CLEC16A: variants seen among roughly 807,000 people sequenced by gnomAD.
CLEC16A encodes the protein C-type lectin domain containing 16A.
CLEC16A carries 51 observed loss-of-function variants against 109.5 expected under a neutral mutation model. The observed-to-expected ratio is 0.47, with a 90% CI of 0.37 to 0.59. The LOEUF (loss-of-function observed/expected upper bound fraction) is 0.59. Ranked by LOEUF, CLEC16A falls within the 20% of genes least tolerant of loss-of-function variation. CLEC16A has a pLI of 0.00. For synonymous variants in CLEC16A, 673 were observed against 564.2 expected (o/e 1.19, Z -2.73); for missense variants, 1,339 against 1,394.0 (o/e 0.96, Z 0.63).
chr16:10,964,868 T>A (rs991897292), intron 3 of CLEC16A, among the ~76,000 whole-genome samples: 3 of 152,150 alleles, frequency 2.0e-5, no homozygotes, highest in Non-Finnish European at 4.4e-5. Flanking sequence ...CTTTTGTGCG[T>A]GTGTGTGGGT....
At chr16:11,080,952 C>T (rs769917871) in intron 19 of CLEC16A, among the ~76,000 whole-genome samples, 4 of 152,210 alleles carry the variant, frequency 2.6e-5, no homozygotes, top group Non-Finnish European at 5.9e-5. Flanking sequence ...GGGATTAGGT[C>T]GTGGGCATCT....
At chr16:10,971,065 G>C (rs2042763985) in intron 4 of CLEC16A, 60 bp from the exon 5 acceptor site, 4 of 988,064 alleles carry the variant, frequency 4.0e-6, no homozygotes, top group Non-Finnish European at 6.2e-6. Flanking sequence ...AGAGAGTTGG[G>C]GTGGGGCCAG....
chr16:11,173,577 G>A (rs552370086), intron 23 of CLEC16A, among the ~76,000 whole-genome samples: 10 of 152,070 alleles, frequency 6.6e-5, no homozygotes, highest in Non-Finnish European at 1.2e-4. Context: ...GGAGCGCCTC[G>A]AGCATCTGAG....
chr16:10,951,962 C>A (rs1281997890), intron 1 of CLEC16A, among the ~76,000 whole-genome samples: 2 of 152,046 alleles, frequency 1.3e-5, no homozygotes, highest in Non-Finnish European at 2.9e-5. Context: ...AAACAGTTGT[C>A]AATAACCAAA....
intron 1 of CLEC16A, among the ~76,000 whole-genome samples, chr16:10,950,457 G>A (rs2041669009): frequency 6.6e-6 from 1 of 152,082 alleles, no homozygotes. Context: ...CTTTCTCTAG[G>A]GCTAAAGCCC....
chr16:11,120,808 A>G (rs199864914), intron 20 of CLEC16A, 42 bp downstream of exon 20: 6 of 1,343,654 alleles, frequency 4.5e-6, no homozygotes, highest in Admixed American at 2.6e-5. Flanking sequence ...TCAGTTGGCT[A>G]CAAACACACA....
intron 10 of CLEC16A, among the ~76,000 whole-genome samples, chr16:10,991,634 C>G (rs958881508): frequency 6.6e-6 from 1 of 152,092 alleles, no homozygotes; most frequent in African/African-American, 2.4e-5. Flanking sequence ...GGAACCTCTT[C>G]GTCTTTGTGT....
At chr16:11,094,694 C>G (rs971543695) in intron 19 of CLEC16A, among the ~76,000 whole-genome samples, 2 of 152,196 alleles carry the variant, frequency 1.3e-5, no homozygotes, top group African/African-American at 2.4e-5. Context: ...CCCCACTGCC[C>G]GAATATGCCT....
At chr16:10,965,904 C>T (rs2042478717) in intron 3 of CLEC16A, among the ~76,000 whole-genome samples, 2 of 152,168 alleles carry the variant, frequency 1.3e-5, no homozygotes, top group Admixed American at 6.5e-5. Context: ...CTCCAGGGTA[C>T]AGCTGAGAGA....
chr16:10,965,337 A>G (rs972702599), intron 3 of CLEC16A, among the ~76,000 whole-genome samples: 1 of 152,240 alleles, frequency 6.6e-6, no homozygotes, highest in Non-Finnish European at 1.5e-5. Flanking sequence ...TTGTTTTCTA[A>G]TCACAGAAGA....
chr16:10,981,993 A>G (rs1309706597), intron 9 of CLEC16A, among the ~76,000 whole-genome samples: 1 of 152,250 alleles, frequency 6.6e-6, no homozygotes, highest in Admixed American at 6.5e-5. Context: ...GTTATAGCCC[A>G]AATTGTCAGC....
intron 22 of CLEC16A, among the ~76,000 whole-genome samples, chr16:11,158,451 C>G (rs888654627): frequency 6.6e-6 from 1 of 152,206 alleles, no homozygotes; most frequent in Non-Finnish European, 1.5e-5. Flanking sequence ...GCAGGCAGCT[C>G]TCCTGTCCAA....
intron 19 of CLEC16A, among the ~76,000 whole-genome samples, chr16:11,096,794 A>G (rs988720071): frequency 6.6e-6 from 1 of 152,226 alleles, no homozygotes; most frequent in Admixed American, 6.5e-5. Context: ...TTGTCCATGT[A>G]CGTAATCATG....
chr16:11,090,811 A>ATTTTT (rs71136616), intron 19 of CLEC16A, among the ~76,000 whole-genome samples: 2 of 80,682 alleles, frequency 2.5e-5, no homozygotes, highest in Non-Finnish European at 4.5e-5. Flanking sequence ...TACCCAGCTA[A>ATTTTT]TTTTTTTTTT....
intron 1 of CLEC16A, among the ~76,000 whole-genome samples, chr16:10,946,294 T>C (rs184570481): frequency 7.2e-5 from 11 of 152,278 alleles, no homozygotes; most frequent in Admixed American, 6.5e-4. Flanking sequence ...GGACTTCTCA[T>C]GTGTCCCCGG....
chr16:11,034,433 A>C (rs1263131974), intron 13 of CLEC16A, among the ~76,000 whole-genome samples: 1 of 152,010 alleles, frequency 6.6e-6, no homozygotes, highest in Non-Finnish European at 1.5e-5. Flanking sequence ...TTACCTCTCT[A>C]CCCTAAATGG....
Position 10,961,785 on chromosome 16 carries a change from G to A in CLEC16A, c.210-670G>A, listed in dbSNP as rs369255839. ...ATATCTCCCCAGCCTCCTCTGTTCCGTGACTCTTTTTTAGTCTTCTGTTGT... is the reference window on the plus strand; with the variant it reads ...ATATCTCCCCAGCCTCCTCTGTTCCATGACTCTTTTTTAGTCTTCTGTTGT... On this transcript the variant is annotated intron_variant, in intron 2 of 23. Coordinates refer to ENST00000409790, the MANE Select transcript of CLEC16A (RefSeq NM_015226.3). The surrounding 1 kb of genome is among the most constrained non-coding windows in gnomAD (Gnocchi z 4.3). 2.0e-5 allele frequency among the ~76,000 whole-genome samples: 3 copies of A among 152,060 alleles called. No homozygotes were observed. Among genetic ancestry groups the A allele is most frequent in the African/African-American group, 7.2e-5 (3 of 41,398 alleles).
chr16:11,168,751 A>T (rs2068379447), intron 23 of CLEC16A, among the ~76,000 whole-genome samples: 1 of 152,256 alleles, frequency 6.6e-6, no homozygotes, highest in Non-Finnish European at 1.5e-5. Flanking sequence ...GGGCCTAACC[A>T]GATGGCTCCA....
At chr16:11,176,147 G>T (rs1256506388) in intron 23 of CLEC16A, among the ~76,000 whole-genome samples, 2 of 152,276 alleles carry the variant, frequency 1.3e-5, no homozygotes, top group African/African-American at 4.8e-5. Context: ...CACAGGTTCT[G>T]AGGAACAGCA....
Sources: gnomAD v4.1 joint callset for allele counts (sites outside exome capture counted in the v4.1 genomes callset) on GRCh38, gnomAD v4.1.1 for gene constraint, Gnocchi (gnomAD v3.1) non-coding constraint, MANE v1.5 for transcripts, NCBI Gene and HGNC (gene_info 2026-07-23, HGNC 2026-07-21) for gene names.